The following ADCY9 variants were observed in gnomAD, a reference collection of about 807,000 sequenced individuals.
The protein encoded by ADCY9 is adenylate cyclase 9, also known as adenylate cyclase type 9.
Under a neutral mutation model 101.5 loss-of-function variants are expected in ADCY9, and 50 were observed. That is an observed-to-expected ratio of 0.49 (90% CI 0.39 to 0.62). The LOEUF is 0.62. Ranked by LOEUF, ADCY9 falls within the 20% of genes least tolerant of loss-of-function variation. The pLI is 0.00. For synonymous variants in ADCY9, 905 were observed against 769.3 expected, an observed-to-expected ratio of 1.18 and a Z score of -2.92; for missense variants, 1,662 against 1,800.4, an observed-to-expected ratio of 0.92 and a Z score of 1.39.
At chr16:3,961,893 G>C (rs914540945), downstream of ADCY9, among the ~76,000 whole-genome samples, 1 of 152,108 alleles carries the variant, frequency 6.6e-6, no homozygotes, top group African/African-American at 2.4e-5. Flanking sequence ...GGGTGTGGTG[G>C]TATATGCCTG....
chr16:4,002,626 A>C (rs952508458), intron 3 of ADCY9, among the ~76,000 whole-genome samples: 5 of 152,376 alleles, frequency 3.3e-5, no homozygotes, highest in African/African-American at 1.2e-4. Context: ...GGTGCGCTCC[A>C]GGGAGGCCTT....
intron 2 of ADCY9, among the ~76,000 whole-genome samples, chr16:4,030,149 C>T (rs1053455638): frequency 3.9e-5 from 6 of 152,160 alleles, no homozygotes; most frequent in Admixed American, 1.3e-4. Flanking sequence ...CAATAATTCC[C>T]CTTCTAGACA....
At chr16:4,039,252 G>A (rs571975593) in intron 2 of ADCY9, among the ~76,000 whole-genome samples, 1 of 152,212 alleles carries the variant, frequency 6.6e-6, no homozygotes, top group South Asian at 2.1e-4. Context: ...TACTTGCGGT[G>A]CTGTTTCTCA....
chr16:4,068,432 T>G (rs2056813374), intron 2 of ADCY9, among the ~76,000 whole-genome samples: 1 of 152,176 alleles, frequency 6.6e-6, no homozygotes, highest in South Asian at 2.1e-4. Flanking sequence ...CATGTATTAT[T>G]ATCTCTCTAG....
Position 4,044,848 on chromosome 16 carries a change from G to A in ADCY9, c.1694-37290C>T, listed in dbSNP as rs115912917. Among the ~76,000 whole-genome samples the A allele has an allele frequency of 3.6e-3, 541 of 152,196 alleles. 2 individuals carry two copies. Among genetic ancestry groups the A allele is most frequent in the African/African-American group, 0.012 (517 of 41,528 alleles). ...GGCAGGCGGAGGGACTCTCCACCCC[G>A]CCTCTTTTGCCCCCAGAAAATAAAT... is the stretch of plus-strand genomic sequence containing the variant. On this transcript the variant is annotated intron_variant, in intron 2 of 10. Transcript: ENST00000294016.
intron 3 of ADCY9, among the ~76,000 whole-genome samples, chr16:4,000,765 A>T (rs2056324011): frequency 6.6e-6 from 1 of 152,092 alleles, no homozygotes; most frequent in African/African-American, 2.4e-5. Context: ...CAGGCTGGTG[A>T]TGGCGATCCG....
chr16:3,975,897 G>A (rs1395535951), intron 9 of ADCY9, among the ~76,000 whole-genome samples: 2 of 152,160 alleles, frequency 1.3e-5, no homozygotes, highest in Non-Finnish European at 2.9e-5. Context: ...TGTTATACAA[G>A]GTATTACTGT....
At chr16:3,958,951 A>T (rs1375680536), downstream of ADCY9, among the ~76,000 whole-genome samples, 1 of 151,532 alleles carries the variant, frequency 6.6e-6, no homozygotes, top group Non-Finnish European at 1.5e-5. Context: ...CTGGGACCAC[A>T]GGCGGGAGCC....
intron 2 of ADCY9, among the ~76,000 whole-genome samples, chr16:4,017,602 C>T (rs1330359879): frequency 6.7e-6 from 1 of 149,472 alleles, no homozygotes; most frequent in African/African-American, 2.5e-5. Flanking sequence ...CAAGATCGCA[C>T]CATTGCACTC....
intron 3 of ADCY9, among the ~76,000 whole-genome samples, chr16:4,006,348 C>T (rs944792884): frequency 6.6e-6 from 1 of 152,184 alleles, no homozygotes; most frequent in African/African-American, 2.4e-5. Flanking sequence ...CCAACGACCG[C>T]GATCCACGAG....
chr16:4,030,932 T>C (rs77452268), intron 2 of ADCY9, among the ~76,000 whole-genome samples: 77 of 152,266 alleles, frequency 5.1e-4, no homozygotes, highest in Admixed American at 2.1e-3. Flanking sequence ...CACTTATGCA[T>C]TTTATGTATG....
intron 8 of ADCY9, among the ~76,000 whole-genome samples, chr16:3,978,355 T>C (rs2056110945): frequency 6.6e-6 from 1 of 152,170 alleles, no homozygotes; most frequent in Non-Finnish European, 1.5e-5. Flanking sequence ...CATGCTCACT[T>C]GCACCAGAAG....
intron 2 of ADCY9, among the ~76,000 whole-genome samples, chr16:4,112,737 T>A (rs2057121669): frequency 6.6e-6 from 1 of 152,134 alleles, no homozygotes; most frequent in African/African-American, 2.4e-5. Flanking sequence ...ATCAGTGTTA[T>A]TTTCTCTACA....
chr16:3,966,341 C>T lies in ADCY9; in HGVS notation c.3496G>A (p.Gly1166Ser). ...GCCGTGAGGGGCCCATGGTTGAAGC[C>T]GACGCGGAGCTTGAAGTTGAACCAC... ...MLWFNFKLRV[G>S]FNHGPLTAGV... The change falls in exon 11 of 11, where the codon GGC (glycine) becomes AGC (serine). Residue 1166 changes from glycine to serine, a missense_variant. Coordinates refer to ENST00000294016, the MANE Select transcript of ADCY9 (RefSeq NM_001116.4). 1.2e-6 allele frequency: 2 copies of T among 1,614,082 alleles called. No individual in the cohort carries two copies. Among genetic ancestry groups the T allele is most frequent in the South Asian group, 1.1e-5 (1 of 91,080 alleles).
intron 8 of ADCY9, among the ~76,000 whole-genome samples, chr16:3,978,618 G>T (rs535831188): frequency 2.5e-4 from 38 of 152,376 alleles, no homozygotes; most frequent in African/African-American, 8.7e-4. Context: ...GCCACTGCCC[G>T]GGCGTGAGCA....
intron 2 of ADCY9, among the ~76,000 whole-genome samples, chr16:4,047,977 G>A (rs756501344): frequency 3.3e-5 from 5 of 152,152 alleles, no homozygotes; most frequent in South Asian, 2.1e-4. Flanking sequence ...TCTGGCTGAC[G>A]CTCTGCCGTG....
intron 2 of ADCY9, among the ~76,000 whole-genome samples, chr16:4,084,299 A>G (rs1382410496): frequency 1.3e-5 from 2 of 151,868 alleles, no homozygotes; most frequent in Non-Finnish European, 2.9e-5. Context: ...TTTAGTAGAG[A>G]CAGGGTTTTA....
rs565762484 is a variant in ADCY9 at position 4,008,173 on chromosome 16, C to A, written c.1694-615G>T. On this transcript the variant is annotated intron_variant, in intron 2 of 10. Coordinates refer to ENST00000294016, the MANE Select transcript of ADCY9 (RefSeq NM_001116.4). ...CTTTTGTTAAGCTGAGGTCCACATGCATTTTATTGTCTCACAAAATCCCGC... is the reference window on the plus strand; with the variant it reads ...CTTTTGTTAAGCTGAGGTCCACATGAATTTTATTGTCTCACAAAATCCCGC... Among the ~76,000 whole-genome samples, 4 of 150,948 alleles carry A rather than the reference C, an allele frequency of 2.6e-5. 1 individual carries two copies. The highest frequency in any genetic ancestry group is 9.7e-5 in the African/African-American group (4 of 41,098).
In ADCY9 at chr16:4,114,182, C is replaced by A. The variant is rs778333072; in HGVS notation, c.1261G>T (p.Asp421Tyr). The A allele has an allele frequency of 6.2e-7, 1 of 1,613,952 alleles. No homozygotes were observed. Among genetic ancestry groups the A allele is most frequent in the Non-Finnish European group, 8.5e-7 (1 of 1,180,028 alleles). Residue 421 changes from aspartate (D) to tyrosine (Y), a missense_variant, in exon 2 of 11, where the codon GAT (aspartate) becomes TAT (tyrosine). Physicochemically the swap from Asp to Tyr is radical, Grantham distance 160. This residue lies in a region of ADCY9 where 228 missense variants were observed against 301.1 expected (regional missense o/e 0.76). Transcript: ENST00000294016. This position sits in a 1 kb window ranked among gnomAD's most constrained non-coding sequence, Gnocchi z 4.3. ...AGGCGGTCGAAGCGACCGAACAGAT[C>A]GTTCAGGAGACCCACCAGGGCGTGG... ...SAHALVGLLNDLFGRFDRLCE... is the reference protein window; with the variant it reads ...SAHALVGLLNYLFGRFDRLCE...
Sources: allele counts gnomAD v4.1 joint callset (sites outside exome capture counted in the v4.1 genomes callset), GRCh38; gene constraint gnomAD v4.1.1; regional missense constraint gnomAD v4.1.1; non-coding constraint Gnocchi (gnomAD v3.1); transcripts MANE v1.5; gene names NCBI Gene and HGNC (gene_info 2026-07-23, HGNC 2026-07-21).